EPHA6: variants seen among roughly 807,000 people sequenced by gnomAD.
EPHA6 encodes the protein ephrin type-A receptor 6.
In EPHA6, 50 loss-of-function variants were observed where a neutral mutation model predicts 112.0. The observed-to-expected ratio is 0.45, with a 90% CI of 0.36 to 0.56. EPHA6 has a LOEUF of 0.56. Among genes scored for constraint, EPHA6 ranks in the 20% least tolerant of loss-of-function variants. EPHA6 has a pLI of 0.00. For missense variants in EPHA6, 1,280 were observed against 1,417.4 expected (o/e 0.90, Z 1.56); for synonymous variants, 529 against 490.7 (o/e 1.08, Z -1.03).
chr3:97,600,935 T>A (rs1399136256), intron 12 of EPHA6, among the ~76,000 whole-genome samples: 1 of 152,128 alleles, frequency 6.6e-6, no homozygotes, highest in Non-Finnish European at 1.5e-5. Context: ...TAGATTTTTT[T>A]AGTAGTTCTT....
chr3:97,664,287 C>A (rs1023604405), intron 14 of EPHA6, among the ~76,000 whole-genome samples: 1 of 152,110 alleles, frequency 6.6e-6, no homozygotes, highest in Non-Finnish European at 1.5e-5. Context: ...CTGTAGGATG[C>A]CTGTTCACTC....
chr3:97,376,487 C>G (rs2085366111), intron 5 of EPHA6, among the ~76,000 whole-genome samples: 1 of 152,176 alleles, frequency 6.6e-6, no homozygotes, highest in African/African-American at 2.4e-5. Context: ...ATTAGGCTAA[C>G]AGTATGTTAT....
intron 11 of EPHA6, among the ~76,000 whole-genome samples, chr3:97,580,791 T>A (rs1044323485): frequency 5.9e-5 from 9 of 152,222 alleles, no homozygotes; most frequent in African/African-American, 1.9e-4. Context: ...TACGCCTCAG[T>A]GGCATCCAGC....
intron 16 of EPHA6, among the ~76,000 whole-genome samples, chr3:97,743,523 A>C (rs893369134): frequency 6.6e-5 from 10 of 152,154 alleles, no homozygotes; most frequent in African/African-American, 2.4e-4. Context: ...ACTTTAGAGA[A>C]TTAACAAATT....
At chr3:97,421,596 G>A (rs979289524) in intron 6 of EPHA6, among the ~76,000 whole-genome samples, 5 of 152,060 alleles carry the variant, frequency 3.3e-5, no homozygotes, top group African/African-American at 1.2e-4. Flanking sequence ...AAAAATTCTA[G>A]CAGATCTCTT....
rs965947698 is a variant in EPHA6 at position 97,664,954 on chromosome 3, A to G, written c.2784+26872A>G. On this transcript the variant is annotated intron_variant, in intron 14 of 17. Transcript: ENST00000389672. ...AGCTACCAATGACTTTCTTCACATA[A>G]TTGGAAAAAACTAATTTAAAGTTCA... Among the ~76,000 whole-genome samples, 78 of 152,216 alleles carry G rather than the reference A, an allele frequency of 5.1e-4. 2 individuals are homozygous for G. The highest frequency in any genetic ancestry group is 1.8e-3 in the African/African-American group (73 of 41,454).
intron 2 of EPHA6, among the ~76,000 whole-genome samples, chr3:96,883,811 G>T (rs886788218): frequency 2.6e-5 from 4 of 152,004 alleles, no homozygotes; most frequent in Admixed American, 2.6e-4. Context: ...GAGATTACAG[G>T]TACCCGCCAC....
At position 97,758,047 on chromosome 3, in the gene EPHA6, T is replaced by C. The variant is rs938569901; in HGVS notation, c.*9346T>C. Among the ~76,000 whole-genome samples the C allele has an allele frequency of 1.3e-5, 2 of 151,956 alleles. No homozygotes were observed. Among genetic ancestry groups the C allele is most frequent in the African/African-American group, 4.8e-5 (2 of 41,450 alleles). On this transcript the variant is annotated 3_prime_UTR_variant, in exon 18 of 18. Transcript: ENST00000389672. Reference sequence around the variant, plus strand: ...TACAAAATGAAAATTCTCCACTGGATGTTATAAATTCAAAAAAAGAACATA... The same window carrying C: ...TACAAAATGAAAATTCTCCACTGGACGTTATAAATTCAAAAAAAGAACATA...
intron 3 of EPHA6, among the ~76,000 whole-genome samples, chr3:97,059,686 CAG>C (rs1020818380): frequency 6.1e-5 from 9 of 147,932 alleles, no homozygotes; most frequent in African/African-American, 2.3e-4. Flanking sequence ...AATTTAGCAC[CAG>C]AGTCATCCTA....
At position 97,532,455 on chromosome 3, in the gene EPHA6, G is replaced by A. The variant is rs781388891; in HGVS notation, c.2298G>A (p.Arg766=). ...IKTLKGGHMD[R]QRRDFLREAS... is the part of the protein sequence containing the mutation. ...CTTTGAAAGGTGGCCACATGGATCG[G>A]CAAAGAAGAGATTTTCTAAGAGAAG... Residue 766 remains arginine, a synonymous_variant, in exon 11 of 18, where the codon CGG becomes CGA. Transcript: ENST00000389672. 1.2e-6 allele frequency: 2 copies of A among 1,612,506 alleles called. No individual in the cohort carries two copies. Among genetic ancestry groups the A allele is most frequent in the Non-Finnish European group, 1.7e-6 (2 of 1,178,928 alleles).
chr3:97,728,385 T>C (rs1179215168), intron 15 of EPHA6, among the ~76,000 whole-genome samples: 1 of 152,076 alleles, frequency 6.6e-6, no homozygotes, highest in African/African-American at 2.4e-5. Context: ...TTCAAAAATG[T>C]AATTTGTTGT....
chr3:96,895,660 T>C (rs987693896), intron 2 of EPHA6, among the ~76,000 whole-genome samples: 1 of 152,118 alleles, frequency 6.6e-6, no homozygotes, highest in Admixed American at 6.6e-5. Context: ...TACTGTTTTT[T>C]GTTGTTGTTG....
chr3:97,090,181 A>G (rs1362715564), intron 3 of EPHA6, among the ~76,000 whole-genome samples: 2 of 152,098 alleles, frequency 1.3e-5, no homozygotes, highest in Non-Finnish European at 1.5e-5. Flanking sequence ...GTAATAAGCT[A>G]TTCGTTTCCT....
intron 1 of EPHA6, among the ~76,000 whole-genome samples, chr3:96,823,002 TAAA>T (rs911087747): frequency 1.3e-5 from 2 of 151,560 alleles, no homozygotes; most frequent in African/African-American, 4.8e-5. Flanking sequence ...TACTAGGAAA[TAAA>T]AAAGTTTCAT....
rs987676526 is a variant in EPHA6, at chr3:97,749,464, C to T, written c.*763C>T. On this transcript the variant is annotated 3_prime_UTR_variant, in exon 18 of 18. Coordinates refer to ENST00000389672, the MANE Select transcript of EPHA6 (RefSeq NM_001080448.3). Reference sequence around the variant, plus strand: ...TATTTATTTATTTATTTTTACTAACCGTAGTATATTTCTCTACTACCTTAT... The same window carrying T: ...TATTTATTTATTTATTTTTACTAACTGTAGTATATTTCTCTACTACCTTAT... Among the ~76,000 whole-genome samples, 7 of 151,660 alleles carry T rather than the reference C, an allele frequency of 4.6e-5. No homozygotes were observed. Among genetic ancestry groups the T allele is most frequent in the African/African-American group, 1.2e-4 (5 of 41,250 alleles).
At chr3:97,091,357 A>G (rs2047059991) in intron 3 of EPHA6, among the ~76,000 whole-genome samples, 1 of 152,166 alleles carries the variant, frequency 6.6e-6, no homozygotes, top group Non-Finnish European at 1.5e-5. Context: ...CATAAAAACA[A>G]AAATATCTGG....
intron 2 of EPHA6, among the ~76,000 whole-genome samples, chr3:96,909,245 T>A (rs2039091497): frequency 6.6e-6 from 1 of 151,626 alleles, no homozygotes; most frequent in African/African-American, 2.4e-5. Flanking sequence ...TGAAGATTAT[T>A]TGGGCATACC....
chr3:97,595,350 G>T (rs1401805977), intron 12 of EPHA6, among the ~76,000 whole-genome samples: 1 of 152,148 alleles, frequency 6.6e-6, no homozygotes, highest in African/African-American at 2.4e-5. Flanking sequence ...GATACAGGAA[G>T]AAATCACAGA....
chr3:97,003,262 C>G (rs531547701), intron 3 of EPHA6, among the ~76,000 whole-genome samples: 1 of 152,278 alleles, frequency 6.6e-6, no homozygotes, highest in Non-Finnish European at 1.5e-5. Flanking sequence ...CGCACACCAC[C>G]ATGCCCAGCT....
Sources: allele counts gnomAD v4.1 joint callset (sites outside exome capture counted in the v4.1 genomes callset), GRCh38; gene constraint gnomAD v4.1.1; transcripts MANE v1.5; gene names NCBI Gene and HGNC (gene_info 2026-07-23, HGNC 2026-07-21).